The following PGM5 variants were observed in gnomAD, a reference collection of about 807,000 sequenced individuals.
PGM5 encodes phosphoglucomutase-like protein 5.
A neutral mutation model predicts 59.2 loss-of-function variants in PGM5; 23 were observed. The ratio of observed to expected loss-of-function variants is 0.39; its 90% CI spans 0.28 to 0.55. PGM5 has a LOEUF of 0.55. Among genes scored for constraint, PGM5 ranks in the 20% least tolerant of loss-of-function variants. PGM5 has a pLI of 0.66. For missense variants in PGM5, 574 were observed against 748.3 expected, an observed-to-expected ratio of 0.77 and a Z score of 2.72; for synonymous variants, 214 against 286.0, an observed-to-expected ratio of 0.75 and a Z score of 2.54.
At chr9:68,424,215 T>C (rs1199317903) in intron 6 of PGM5, among the ~76,000 whole-genome samples, 6 of 152,216 alleles carry the variant, frequency 3.9e-5, no homozygotes, top group African/African-American at 1.4e-4. Flanking sequence ...AAGTGTTTCA[T>C]GGAACACCCT....
In PGM5 at chr9:68,484,154, A is replaced by G. The variant is rs538918308; in HGVS notation, c.1479+106A>G. The G allele has an allele frequency of 2.7e-4, 248 of 935,260 alleles. 4 individuals are homozygous for G. The highest frequency in any genetic ancestry group is 2.0e-3 in the South Asian group (131 of 66,062). 57.9% of individuals were successfully genotyped at this position (935,260 alleles called of 1,614,324 possible). A position where few individuals can be genotyped will look rare whatever the true frequency, so the allele number is the denominator to read the frequency against. The stretch of plus-strand genomic sequence containing the variant: ...GGATGATCTAAGGTGACCTCATTTT[A>G]TAGATGAGAACTGTGCAGCCAGGAA... On this transcript the variant is annotated intron_variant, in intron 9 of 10. Coordinates refer to ENST00000396396, the MANE Select transcript of PGM5 (RefSeq NM_021965.4).
At chr9:68,401,980 T>C (rs1415558214) in intron 6 of PGM5, among the ~76,000 whole-genome samples, 1 of 151,912 alleles carries the variant, frequency 6.6e-6, no homozygotes. Flanking sequence ...TGATGAATTT[T>C]GGCTGGGCGC....
intron 3 of PGM5, among the ~76,000 whole-genome samples, chr9:68,385,736 T>A (rs1822201645): frequency 1.3e-5 from 2 of 152,092 alleles, no homozygotes; most frequent in East Asian, 1.9e-4. Flanking sequence ...ATTTTTGGCA[T>A]CTTCACAATT....
intron 7 of PGM5, among the ~76,000 whole-genome samples, chr9:68,467,976 A>C (rs1465912700): frequency 2.0e-5 from 3 of 152,100 alleles, no homozygotes; most frequent in African/African-American, 7.2e-5. Context: ...TCTATGAATA[A>C]AATATTTTTT....
chr9:68,492,534 G>A (rs565695320), intron 9 of PGM5, among the ~76,000 whole-genome samples: 1 of 152,344 alleles, frequency 6.6e-6, no homozygotes, highest in Non-Finnish European at 1.5e-5. Context: ...CAAGAGCAGG[G>A]CAGCTGAGTA....
intron 6 of PGM5, among the ~76,000 whole-genome samples, chr9:68,426,613 ATTTTTTT>A (rs58295629): frequency 7.3e-6 from 1 of 136,218 alleles, no homozygotes; most frequent in South Asian, 2.3e-4. Context: ...TCTCTTTATT[ATTTTTTT>A]TTTTTTTTGG....
Position 68,499,373 on chromosome 9 carries a change from G to A in PGM5, c.1614+12G>A. On this transcript the variant is annotated intron_variant, in intron 10 of 10. Transcript: ENST00000396396. The stretch of plus-strand genomic sequence containing the variant: ...ACCAGGAGCCACAGGTACAGAAACA[G>A]CTGTGCTCCCAGCAGTGTGTCTCGC... 1 of 1,613,492 alleles carries A rather than the reference G, an allele frequency of 6.2e-7. No individual in the cohort carries two copies. Among genetic ancestry groups the A allele is most frequent in the Non-Finnish European group, 8.5e-7 (1 of 1,179,700 alleles).
intron 2 of PGM5, among the ~76,000 whole-genome samples, chr9:68,379,060 G>C (rs1194589572): frequency 6.6e-6 from 1 of 152,010 alleles, no homozygotes; most frequent in Non-Finnish European, 1.5e-5. Context: ...ATTTTTGTAT[G>C]CATCTCTAAA....
chr9:68,505,725 C>T (rs1423123972), intron 10 of PGM5, among the ~76,000 whole-genome samples: 1 of 152,192 alleles, frequency 6.6e-6, no homozygotes, highest in East Asian at 1.9e-4. Context: ...GTTCACCAGC[C>T]TGGAAGCTCT....
chr9:68,518,357 A>G (rs912817531), intron 10 of PGM5, among the ~76,000 whole-genome samples: 1 of 152,238 alleles, frequency 6.6e-6, no homozygotes, highest in African/African-American at 2.4e-5. Context: ...TTCAAACAAA[A>G]TGGGCACCAA....
chr9:68,473,183 C>A (rs2132084949), intron 7 of PGM5, among the ~76,000 whole-genome samples: 1 of 152,276 alleles, frequency 6.6e-6, no homozygotes, highest in East Asian at 1.9e-4. Flanking sequence ...CCCACTTTAA[C>A]CTCATAACTC....
chr9:68,431,938 C>T (rs1823357859), intron 6 of PGM5, among the ~76,000 whole-genome samples: 1 of 152,166 alleles, frequency 6.6e-6, no homozygotes, highest in African/African-American at 2.4e-5. Context: ...GTCAAAACCT[C>T]AGCCCTCCAA....
intron 6 of PGM5, among the ~76,000 whole-genome samples, chr9:68,444,350 T>C (rs952004021): frequency 6.6e-5 from 10 of 152,128 alleles, no homozygotes; most frequent in African/African-American, 2.4e-4. Context: ...CTAGTGCATA[T>C]GGTTATGATA....
intron 4 of PGM5, among the ~76,000 whole-genome samples, chr9:68,391,286 G>A (rs1314717597): frequency 3.3e-5 from 5 of 151,996 alleles, no homozygotes; most frequent in Non-Finnish European, 7.4e-5. Context: ...AAAATTTCAG[G>A]TGAAAAAATT....
intron 1 of PGM5, among the ~76,000 whole-genome samples, chr9:68,359,405 T>G (rs1348172036): frequency 2.6e-5 from 4 of 152,008 alleles, no homozygotes; most frequent in African/African-American, 9.7e-5. Context: ...TGGGCATGGG[T>G]GAAGGGAATG....
At chr9:68,478,568 G>A (rs1386182193) in intron 7 of PGM5, among the ~76,000 whole-genome samples, 1 of 152,188 alleles carries the variant, frequency 6.6e-6, no homozygotes, top group Non-Finnish European at 1.5e-5. Context: ...AAACCAAGGT[G>A]TAGGCAGGAC....
At chr9:68,515,925 G>T (rs1272744645) in intron 10 of PGM5, among the ~76,000 whole-genome samples, 1 of 152,074 alleles carries the variant, frequency 6.6e-6, no homozygotes, top group Non-Finnish European at 1.5e-5. Flanking sequence ...GATGATAATG[G>T]TAATAATAAT....
At chr9:68,496,859 AG>A (rs1346617260) in intron 9 of PGM5, 1 of 152,174 alleles carries the variant, frequency 6.6e-6, no homozygotes, top group African/African-American at 2.4e-5. Context: ...TCATCAGAAG[AG>A]GTAATCCCAA....
At chr9:68,490,991 C>T (rs1824380636) in intron 9 of PGM5, among the ~76,000 whole-genome samples, 1 of 152,148 alleles carries the variant, frequency 6.6e-6, no homozygotes, top group African/African-American at 2.4e-5. Context: ...AGAATCTCTG[C>T]AATAAACATA....
Sources: allele counts gnomAD v4.1 joint callset (sites outside exome capture counted in the v4.1 genomes callset), GRCh38; gene constraint gnomAD v4.1.1; transcripts MANE v1.5; gene names NCBI Gene and HGNC (gene_info 2026-07-23, HGNC 2026-07-21).